ACOX3: variants seen among roughly 807,000 people sequenced by gnomAD.
ACOX3 encodes the protein acyl-CoA oxidase 3, pristanoyl, also known as peroxisomal acyl-coenzyme A oxidase 3.
ACOX3 carries 73 observed loss-of-function variants against 81.5 expected under a neutral mutation model. The ratio of observed to expected loss-of-function variants is 0.90; its 90% CI spans 0.74 to 1.09. The LOEUF is 1.09. Ranked by LOEUF, ACOX3 falls within the 50% of genes least tolerant of loss-of-function variation. ACOX3 has a pLI of 0.00. For missense variants in ACOX3, 947 were observed against 928.0 expected, an observed-to-expected ratio of 1.02 and a Z score of -0.27; for synonymous variants, 387 against 375.1, an observed-to-expected ratio of 1.03 and a Z score of -0.37.
rs1256723801 is a variant in ACOX3, at chr4:8,400,236, G to A, written c.777-584C>T. On this transcript the variant is annotated intron_variant, in intron 7 of 17. Coordinates refer to ENST00000356406, the MANE Select transcript of ACOX3 (RefSeq NM_003501.3). This position sits in a 1 kb window ranked among gnomAD's most constrained non-coding sequence, Gnocchi z 4.4. The stretch of plus-strand genomic sequence containing the variant: ...ACTGCACTCCAGCCTTGGTGACAGA[G>A]CAAGACTCCACCTCAATAATAATAA... Among the ~76,000 whole-genome samples, 2 of 142,164 alleles carry A rather than the reference G, an allele frequency of 1.4e-5. No individual in the cohort carries two copies. The highest frequency in any genetic ancestry group is 5.5e-5 in the African/African-American group (2 of 36,658). The allele number at this position is 142,164 out of a possible 152,430, so 93.3% of individuals were successfully genotyped here. A position where few individuals can be genotyped will look rare whatever the true frequency, so the allele number is the denominator to read the frequency against.
intron 1 of ACOX3, among the ~76,000 whole-genome samples, chr4:8,424,785 T>C (rs766971430): frequency 2.4e-4 from 37 of 152,216 alleles, no homozygotes; most frequent in Non-Finnish European, 4.0e-4. Flanking sequence ...CCTACGCCGC[T>C]CGAGGGGACC....
Position 8,408,906 on chromosome 4 carries a change from G to C in ACOX3, c.687+1306C>G, listed in dbSNP as rs1281346047. On this transcript the variant is annotated intron_variant, in intron 6 of 17. Coordinates refer to ENST00000356406, the MANE Select transcript of ACOX3 (RefSeq NM_003501.3). ...GAGCCCTCACTGGGGGGGGGGGGTG[G>C]GGGGGGGGTGGGGGCGGTCTGAGGC... Among the ~76,000 whole-genome samples the C allele has an allele frequency of 1.1e-4, 12 of 105,130 alleles. 1 individual carries two copies. Among genetic ancestry groups the C allele is most frequent in the Non-Finnish European group, 2.3e-4 (11 of 47,912 alleles). The allele number at this position is 105,130 out of a possible 152,430, so 69.0% of individuals were successfully genotyped here.
chr4:8,382,655 T>C lies in ACOX3; in HGVS notation c.1538-1048A>G, dbSNP rs1289525127. Reference sequence around the variant, plus strand: ...CCCAAAGGCTGAACTCAGTGGGGCTTGGGATTTCCTTCTATGTCACACAGC... The same window carrying C: ...CCCAAAGGCTGAACTCAGTGGGGCTCGGGATTTCCTTCTATGTCACACAGC... On this transcript the variant is annotated intron_variant, in intron 13 of 17. Transcript: ENST00000356406. The surrounding 1 kb of genome is among the most constrained non-coding windows in gnomAD (Gnocchi z 4.1). 2.0e-5 allele frequency among the ~76,000 whole-genome samples: 3 copies of C among 152,128 alleles called. No homozygotes were observed. The highest frequency in any genetic ancestry group is 7.2e-5 in the African/African-American group (3 of 41,434).
rs141839160 is a variant in ACOX3 at position 8,434,592 on chromosome 4, C to T, written c.-15+6056G>A. Among the ~76,000 whole-genome samples, 1,202 of 152,384 alleles carry T rather than the reference C, an allele frequency of 7.9e-3. 19 individuals are homozygous for T. The highest frequency in any genetic ancestry group is 0.028 in the African/African-American group (1,152 of 41,598). ...GGCAAGCCCCCGTGGAGGATCAACGCAGTGGCTGAACACTGGGAAGGAACT... is the reference window on the plus strand; with the variant it reads ...GGCAAGCCCCCGTGGAGGATCAACGTAGTGGCTGAACACTGGGAAGGAACT... On this transcript the variant is annotated intron_variant, in intron 1 of 17. Transcript: ENST00000356406.
At chr4:8,392,560 C>T (rs1199745253) in intron 10 of ACOX3, 107 bp from the exon 11 acceptor site, 13 of 1,231,596 alleles carry the variant, frequency 1.1e-5, no homozygotes, top group Non-Finnish European at 1.4e-5. Flanking sequence ...TAGTCTAATA[C>T]AAGACATCCC....
At chr4:8,361,392 C>G (rs1287720885), downstream of ACOX3, among the ~76,000 whole-genome samples, 1 of 120,822 alleles carries the variant, frequency 8.3e-6, no homozygotes, top group Non-Finnish European at 1.6e-5. Context: ...TGCCACTGCA[C>G]TCCAGCCTGG....
Position 8,415,898 on chromosome 4 carries a change from G to A in ACOX3, c.246C>T (p.Cys82=). ...GGAAGTCATACTCGAAGATCCGCTTGCATCGAAGGAAGTTCAGCTCGCGAT... is the reference window on the plus strand; with the variant it reads ...GGAAGTCATACTCGAAGATCCGCTTACATCGAAGGAAGTTCAGCTCGCGAT... ...EKYRELNFLR[C]KRIFEYDFLS... is the part of the protein sequence containing the mutation. Residue 82 remains cysteine (C), a synonymous_variant, in exon 3 of 18, where the codon TGC becomes TGT. Coordinates refer to ENST00000356406, the MANE Select transcript of ACOX3 (RefSeq NM_003501.3). The A allele has an allele frequency of 6.2e-7, 1 of 1,614,228 alleles. No homozygotes were observed. The highest frequency in any genetic ancestry group is 8.5e-7 in the Non-Finnish European group (1 of 1,180,040).
intron 9 of ACOX3, among the ~76,000 whole-genome samples, chr4:8,395,253 G>A: frequency 7.2e-6 from 1 of 139,592 alleles, no homozygotes; most frequent in Admixed American, 7.0e-5. Context: ...TGGATGGGGG[G>A]GTGGGTGGGT....
intron 1 of ACOX3, among the ~76,000 whole-genome samples, chr4:8,433,980 T>C (rs1724088137): frequency 6.6e-6 from 1 of 152,022 alleles, no homozygotes; most frequent in Non-Finnish European, 1.5e-5. Context: ...AAGCAAAAAG[T>C]TAGAAAGAAA....
At chr4:8,364,963 G>A (rs983431599), downstream of ACOX3, among the ~76,000 whole-genome samples, 1 of 152,088 alleles carries the variant, frequency 6.6e-6, no homozygotes, top group Non-Finnish European at 1.5e-5. This position sits in a 1 kb window ranked among gnomAD's most constrained non-coding sequence, Gnocchi z 5.0. Context: ...ATCTAGCTGC[G>A]GGCACATCAG....
At chr4:8,418,458 CAAA>C (rs765799961) in intron 1 of ACOX3, among the ~76,000 whole-genome samples, 4 of 49,736 alleles carry the variant, frequency 8.0e-5, no homozygotes, top group Non-Finnish European at 4.7e-5. Context: ...GACTCCATCT[CAAA>C]AAAAAAAAAA....
rs1476144131 is a variant in ACOX3, at chr4:8,405,831, A to G, written c.776+124T>C. 3.1e-6 allele frequency: 3 copies of G among 980,664 alleles called. No individual in the cohort carries two copies. The African/African-American group carries it at 4.8e-5, about 16-fold the overall frequency. The allele number at this position is 980,664 out of a possible 1,614,324, so 60.7% of individuals were successfully genotyped here. A position where few individuals can be genotyped will look rare whatever the true frequency, so the allele number is the denominator to read the frequency against. ...GCACGGGGGCTAGGCGTAGGTCCCC[A>G]CCGCATTTGAGTCTAAGAGGGCAGG... On this transcript the variant is annotated intron_variant, in intron 7 of 17. Transcript: ENST00000356406. The surrounding 1 kb of genome is among the most constrained non-coding windows in gnomAD (Gnocchi z 7.1).
At chr4:8,429,745 TCAA>T (rs79664777) in intron 1 of ACOX3, among the ~76,000 whole-genome samples, 4,127 of 152,204 alleles carry the variant, frequency 0.027, 69 homozygotes, top group South Asian at 0.04. Context: ...TACAACAGAA[TCAA>T]CTAGACTTAG....
chr4:8,397,440 G>A (rs1719844494), intron 8 of ACOX3, among the ~76,000 whole-genome samples: 1 of 152,212 alleles, frequency 6.6e-6, no homozygotes, highest in Non-Finnish European at 1.5e-5. Context: ...CCATCTGCCT[G>A]GAGATTCCAA....
In ACOX3 at chr4:8,384,144, T is replaced by A. The variant is rs1718018831; in HGVS notation, c.1538-2537A>T. On this transcript the variant is annotated intron_variant, in intron 13 of 17. Transcript: ENST00000356406. The surrounding 1 kb of genome is among the most constrained non-coding windows in gnomAD (Gnocchi z 5.3). ...GCAACCAGAATTAATCCATGAGGCT[T>A]CACGTCGATGGCCAGTTAGACTGTG... Among the ~76,000 whole-genome samples, 1 of 152,236 alleles carries A rather than the reference T, an allele frequency of 6.6e-6. No homozygotes were observed. Among genetic ancestry groups the A allele is most frequent in the Non-Finnish European group, 1.5e-5 (1 of 68,032 alleles).
rs1716055589 is a variant in ACOX3, at chr4:8,370,564, G to A, written c.1983+344C>T. On this transcript the variant is annotated intron_variant, in intron 17 of 17. Transcript: ENST00000356406. This position sits in a 1 kb window ranked among gnomAD's most constrained non-coding sequence, Gnocchi z 6.3. ...CAGGGCCAGGAGCATGGTCAGATGG[G>A]GGTAAGACCTGGGACCGGGGAGGCC... Among the ~76,000 whole-genome samples, 1 of 151,916 alleles carries A rather than the reference G, an allele frequency of 6.6e-6. No individual in the cohort carries two copies. Among genetic ancestry groups the A allele is most frequent in the African/African-American group, 2.4e-5 (1 of 41,350 alleles).
At chr4:8,404,451 T>C (rs75050317) in intron 7 of ACOX3, among the ~76,000 whole-genome samples, 3 of 150,238 alleles carry the variant, frequency 2.0e-5, no homozygotes, top group Non-Finnish European at 4.4e-5. Flanking sequence ...TTTTTTTTTT[T>C]TGCCTGAAAT....
intron 5 of ACOX3, among the ~76,000 whole-genome samples, chr4:8,410,895 G>A (rs1358041445): frequency 4.6e-5 from 7 of 152,240 alleles, no homozygotes; most frequent in South Asian, 4.1e-4. Flanking sequence ...AAGGAAGGAA[G>A]GAACGCATGC....
chr4:8,415,051 T>C, intron 3 of ACOX3, 123 bp from the exon 4 acceptor site: 3 of 911,776 alleles, frequency 3.3e-6, no homozygotes, highest in South Asian at 1.4e-5. Context: ...CACACTGCAC[T>C]TTCCCCAAGG....
Sources: allele counts gnomAD v4.1 joint callset (sites outside exome capture counted in the v4.1 genomes callset), GRCh38; gene constraint gnomAD v4.1.1; non-coding constraint Gnocchi (gnomAD v3.1); transcripts MANE v1.5; gene names NCBI Gene and HGNC (gene_info 2026-07-23, HGNC 2026-07-21).